The following FAAH2 variants were observed in gnomAD, a reference collection of about 807,000 sequenced individuals.
The protein encoded by FAAH2 is fatty-acid amide hydrolase 2.
A neutral mutation model predicts 36.9 loss-of-function variants in FAAH2; 60 were observed. That is an observed-to-expected ratio of 1.63 (90% CI 1.32 to 2.02). The LOEUF is 2.02. Ranked by LOEUF, FAAH2 falls within the 30% of genes most tolerant of loss-of-function variation. FAAH2 has a pLI of 0.00. For synonymous variants in FAAH2, 214 were observed against 143.8 expected, an observed-to-expected ratio of 1.49 and a Z score of -3.49; for missense variants, 689 against 397.5, an observed-to-expected ratio of 1.73 and a Z score of -6.23.
intron 7 of FAAH2, among the ~76,000 whole-genome samples, chrX:57,382,382 C>T (rs1398965167): frequency 9.0e-6 from 1 of 111,103 alleles, no homozygotes; most frequent in African/African-American, 3.3e-5. Context: ...TCAATGAATC[C>T]AGATGCTGGT....
the FAAH2 span, among the ~76,000 whole-genome samples, chrX:57,240,780 G>A: frequency 8.9e-6 from 1 of 112,008 alleles, no homozygotes; most frequent in Non-Finnish European, 1.9e-5. Context: ...GTCAGTGTAG[G>A]AGCTATGAAG....
chrX:57,360,967 G>A (rs752652912), intron 5 of FAAH2, among the ~76,000 whole-genome samples: 1 of 111,680 alleles, frequency 9.0e-6, no homozygotes, highest in East Asian at 2.8e-4. Flanking sequence ...GAGGGTGATG[G>A]CTTCCAGCTT....
intron 5 of FAAH2, among the ~76,000 whole-genome samples, chrX:57,345,919 T>C (rs760589945): frequency 1.5e-4 from 17 of 111,815 alleles, no homozygotes; most frequent in African/African-American, 3.2e-4. Context: ...AATTTGCATG[T>C]ATTTGTGAAT....
At chrX:57,441,068 TTTG>T (rs1350933974) in intron 8 of FAAH2, among the ~76,000 whole-genome samples, 2 of 111,385 alleles carry the variant, frequency 1.8e-5, no homozygotes, top group Non-Finnish European at 3.8e-5. Context: ...ATTCTCTTTT[TTTG>T]TTGTTGTGTT....
At chrX:57,320,303 A>G (rs768389006) in intron 3 of FAAH2, among the ~76,000 whole-genome samples, 37 of 112,325 alleles carry the variant, frequency 3.3e-4, no homozygotes, top group African/African-American at 8.7e-4. Flanking sequence ...ATCTACAAGA[A>G]ACTTAAACAA....
intron 7 of FAAH2, among the ~76,000 whole-genome samples, chrX:57,426,855 C>A (rs1223711377): frequency 9.0e-6 from 1 of 110,881 alleles, no homozygotes; most frequent in Non-Finnish European, 1.9e-5. Flanking sequence ...AAAATATGAA[C>A]AAACCAAACC....
chrX:57,333,957 G>A (rs1293789884), intron 4 of FAAH2, among the ~76,000 whole-genome samples: 1 of 111,448 alleles, frequency 9.0e-6, no homozygotes, highest in East Asian at 2.8e-4. Flanking sequence ...ATCTGTAGAA[G>A]AGCAAAGACA....
the FAAH2 span, among the ~76,000 whole-genome samples, chrX:57,187,900 C>G: frequency 9.0e-6 from 1 of 111,636 alleles, no homozygotes; most frequent in Non-Finnish European, 1.9e-5. Context: ...CCTTGCATCT[C>G]AAGGATGAAG....
At chrX:57,253,214 GA>G in the FAAH2 span, among the ~76,000 whole-genome samples, 1 of 108,379 alleles carries the variant, frequency 9.2e-6, no homozygotes, top group East Asian at 2.9e-4. Flanking sequence ...CAAGCTTAGA[GA>G]AAAAAGAGTG....
the FAAH2 span, among the ~76,000 whole-genome samples, chrX:57,153,948 T>C: frequency 2.4e-4 from 27 of 112,492 alleles, no homozygotes; most frequent in Non-Finnish European, 4.9e-4. Context: ...TTCCCCCAAA[T>C]ATGTTTTCCA....
intron 2 of FAAH2, 115 bp from the exon 3 acceptor site, chrX:57,310,478 T>C: frequency 2.4e-6 from 2 of 839,644 alleles, no homozygotes; most frequent in Non-Finnish European, 3.2e-6. Context: ...TCTTGACAAG[T>C]ACATTAACTT....
chrX:57,475,386 G>A (rs73626276), intron 10 of FAAH2, among the ~76,000 whole-genome samples: 1,569 of 111,609 alleles, frequency 0.014, 20 homozygotes, highest in African/African-American at 0.049. Flanking sequence ...TGTAAGGAAG[G>A]GATTCAGTTT....
the FAAH2 span, among the ~76,000 whole-genome samples, chrX:57,243,439 T>C: frequency 1.8e-5 from 2 of 112,285 alleles, no homozygotes; most frequent in Non-Finnish European, 3.8e-5. Context: ...ATAACCCCCA[T>C]GCCTCCTGAC....
the FAAH2 span, among the ~76,000 whole-genome samples, chrX:57,178,954 G>A: frequency 1.3e-4 from 14 of 111,808 alleles, 1 homozygote; most frequent in South Asian, 5.3e-3. Context: ...AGCCAGAGGA[G>A]ATTAGGGGCC....
At chrX:57,186,886 T>A in the FAAH2 span, among the ~76,000 whole-genome samples, 1 of 111,876 alleles carries the variant, frequency 8.9e-6, no homozygotes, top group Non-Finnish European at 1.9e-5. Context: ...TAAGTTGTGT[T>A]ATTTCTGAGG....
intron 10 of FAAH2, among the ~76,000 whole-genome samples, chrX:57,484,499 C>T (rs2057439239): frequency 8.9e-6 from 1 of 111,793 alleles, no homozygotes; most frequent in African/African-American, 3.2e-5. Flanking sequence ...ATCATGTACA[C>T]TTCAGATGCA....
intron 10 of FAAH2, among the ~76,000 whole-genome samples, chrX:57,451,009 G>A (rs755511585): frequency 9.0e-6 from 1 of 111,464 alleles, no homozygotes; most frequent in African/African-American, 3.3e-5. Flanking sequence ...TCTTACAGCA[G>A]CCCTATAAAA....
intron 7 of FAAH2, among the ~76,000 whole-genome samples, chrX:57,412,307 T>A (rs1331959943): frequency 9.0e-6 from 1 of 111,556 alleles, no homozygotes; most frequent in South Asian, 3.8e-4. Context: ...CATGCCATGG[T>A]GGTTTGCTGC....
the FAAH2 span, among the ~76,000 whole-genome samples, chrX:57,189,203 A>G: frequency 9.0e-6 from 1 of 110,541 alleles, no homozygotes; most frequent in African/African-American, 3.3e-5. Context: ...TGTAGGCTTC[A>G]TGACATTCTT....
Sources: gnomAD v4.1 joint callset for allele counts (sites outside exome capture counted in the v4.1 genomes callset) on GRCh38, gnomAD v4.1.1 for gene constraint, MANE v1.5 for transcripts, NCBI Gene and HGNC (gene_info 2026-07-23, HGNC 2026-07-21) for gene names.